The following PDE1A variants were observed in gnomAD, a reference collection of about 807,000 sequenced individuals.
PDE1A encodes the protein phosphodiesterase 1A, also known as dual specificity calcium/calmodulin-dependent 3',5'-cyclic nucleotide phosphodiesterase 1A.
PDE1A carries 35 observed loss-of-function variants against 61.7 expected under a neutral mutation model. The ratio of observed to expected loss-of-function variants is 0.57; its 90% confidence interval spans 0.43 to 0.75. The LOEUF (loss-of-function observed/expected upper bound fraction) is 0.75. Ranked by LOEUF, PDE1A falls within the 30% of genes least tolerant of loss-of-function variation. The pLI, the probability that PDE1A is intolerant of heterozygous loss-of-function variation, is 0.00. For missense variants in PDE1A, 597 were observed against 630.6 expected, an observed-to-expected ratio of 0.95 and a Z score of 0.57; for synonymous variants, 232 against 213.2, an observed-to-expected ratio of 1.09 and a Z score of -0.77.
At chr2:182,222,312 T>G (rs1007282530) in intron 7 of PDE1A, among the ~76,000 whole-genome samples, 1 of 151,994 alleles carries the variant, frequency 6.6e-6, no homozygotes, top group Non-Finnish European at 1.5e-5. Flanking sequence ...TACTGTATTA[T>G]TTCAGCTCTA....
chr2:182,638,504 C>T, the PDE1A span, among the ~76,000 whole-genome samples: 1 of 152,056 alleles, frequency 6.6e-6, no homozygotes, highest in South Asian at 2.1e-4. Context: ...CCCCTGCACT[C>T]CAGCCTGGGC....
chr2:182,639,754 T>C, the PDE1A span, among the ~76,000 whole-genome samples: 1 of 150,772 alleles, frequency 6.6e-6, no homozygotes, highest in Non-Finnish European at 1.5e-5. Context: ...GCAAAAGAGA[T>C]CCATCATACA....
At chr2:182,186,290 T>C (rs1399182051) in intron 12 of PDE1A, among the ~76,000 whole-genome samples, 178 bp downstream of exon 12, 1 of 152,184 alleles carries the variant, frequency 6.6e-6, no homozygotes, top group East Asian at 1.9e-4. Context: ...TCATATTTTG[T>C]GTATTAAACT....
chr2:182,640,785 CA>C, the PDE1A span, among the ~76,000 whole-genome samples: 2 of 151,822 alleles, frequency 1.3e-5, no homozygotes, highest in Non-Finnish European at 1.5e-5. Flanking sequence ...TTTGGGAGGC[CA>C]AGGCAGGCAG....
chr2:182,487,485 A>C (rs1358105378), intron 2 of PDE1A, among the ~76,000 whole-genome samples: 3 of 152,210 alleles, frequency 2.0e-5, no homozygotes, highest in Non-Finnish European at 4.4e-5. Flanking sequence ...CATTATTTGT[A>C]ATAAACAAAA....
At chr2:182,141,591 A>G (rs1323674062) in exon 15 of PDE1A, 2 of 152,234 alleles carry the variant, frequency 1.3e-5, no homozygotes, top group East Asian at 1.9e-4. Context: ...TTAAATTACA[A>G]TGATGCATAA....
At chr2:182,325,343 A>C (rs1387166033) in intron 1 of PDE1A, among the ~76,000 whole-genome samples, 2 of 152,180 alleles carry the variant, frequency 1.3e-5, no homozygotes, top group Non-Finnish European at 2.9e-5. Context: ...CTAACATAAA[A>C]GCTAAAACTA....
intron 1 of PDE1A, among the ~76,000 whole-genome samples, chr2:182,267,863 T>A (rs941817355): frequency 6.6e-6 from 1 of 152,080 alleles, no homozygotes; most frequent in African/African-American, 2.4e-5. Context: ...GGTTCCAAAG[T>A]GTTAAGGCTT....
chr2:182,497,717 G>A (rs1688798881), intron 2 of PDE1A, among the ~76,000 whole-genome samples: 1 of 152,074 alleles, frequency 6.6e-6, no homozygotes, highest in Non-Finnish European at 1.5e-5. Flanking sequence ...TGTGGACACA[G>A]GTACCGGCAT....
At chr2:182,666,884 T>C in the PDE1A span, among the ~76,000 whole-genome samples, 2,351 of 152,288 alleles carry the variant, frequency 0.015, 34 homozygotes, top group East Asian at 0.079. Flanking sequence ...ATCTGAATAG[T>C]CTGGGTATTT....
chr2:182,148,125 G>A (rs72895040), intron 13 of PDE1A, among the ~76,000 whole-genome samples: 3 of 152,034 alleles, frequency 2.0e-5, no homozygotes, highest in Non-Finnish European at 4.4e-5. Flanking sequence ...CATTCTTAGA[G>A]AACTAAAAAC....
At chr2:182,321,796 C>T (rs1484046854) in intron 1 of PDE1A, among the ~76,000 whole-genome samples, 1 of 152,108 alleles carries the variant, frequency 6.6e-6, no homozygotes, top group African/African-American at 2.4e-5. Flanking sequence ...CCCTTCTCTC[C>T]TCATAGAGCT....
upstream of PDE1A, among the ~76,000 whole-genome samples, chr2:182,527,324 AAAAATATATATAT>A (rs1690790067): frequency 1.3e-4 from 5 of 37,160 alleles, no homozygotes; most frequent in South Asian, 4.5e-3. Flanking sequence ...AAAAAAAAAA[AAAAATATATATAT>A]ATATATATAT....
At chr2:182,389,603 G>C (rs557189167) in intron 1 of PDE1A, among the ~76,000 whole-genome samples, 1 of 152,328 alleles carries the variant, frequency 6.6e-6, no homozygotes, top group South Asian at 2.1e-4. Flanking sequence ...CCTCACAGCT[G>C]TTAGAAGAGC....
At chr2:182,175,355 GA>G (rs1358303592) in intron 13 of PDE1A, among the ~76,000 whole-genome samples, 1 of 152,050 alleles carries the variant, frequency 6.6e-6, no homozygotes, top group Non-Finnish European at 1.5e-5. Context: ...GTTATTTCCT[GA>G]CTTTTTAATG....
intron 2 of PDE1A, among the ~76,000 whole-genome samples, chr2:182,516,083 C>T (rs1031622844): frequency 6.6e-6 from 1 of 151,682 alleles, no homozygotes; most frequent in East Asian, 1.9e-4. Flanking sequence ...GCTACTGTAA[C>T]AAATTTACCA....
intron 2 of PDE1A, among the ~76,000 whole-genome samples, chr2:182,503,130 T>C (rs1476709203): frequency 6.6e-6 from 1 of 151,416 alleles, no homozygotes; most frequent in Non-Finnish European, 1.5e-5. Flanking sequence ...CCCATATCCA[T>C]TTCATCAGTG....
intron 2 of PDE1A, among the ~76,000 whole-genome samples, chr2:182,520,670 C>T (rs1690508992): frequency 1.3e-5 from 2 of 151,910 alleles, no homozygotes; most frequent in Non-Finnish European, 2.9e-5. Flanking sequence ...CACCAGCATA[C>T]ATCTTCATAC....
chr2:182,354,408 C>T (rs1345833038), intron 1 of PDE1A, among the ~76,000 whole-genome samples: 1 of 152,120 alleles, frequency 6.6e-6, no homozygotes, highest in Admixed American at 6.5e-5. Context: ...AGATAACAAG[C>T]CAGTTTTATT....
Sources: allele counts gnomAD v4.1 joint callset (sites outside exome capture counted in the v4.1 genomes callset), GRCh38; gene constraint gnomAD v4.1.1; transcripts MANE v1.5; gene names NCBI Gene and HGNC (gene_info 2026-07-23, HGNC 2026-07-21).